The following ISX variants were observed in gnomAD, a reference collection of about 807,000 sequenced individuals.
The protein encoded by ISX is intestine specific homeobox.
ISX carries 15 observed loss-of-function variants against 16.9 expected under a neutral mutation model. The ratio of observed to expected loss-of-function variants is 0.89; its 90% CI spans 0.59 to 1.36. The LOEUF is 1.36. ISX is among the 40% of genes most tolerant of loss of function. The pLI is 0.00. For missense variants in ISX, 316 were observed against 306.1 expected, an observed-to-expected ratio of 1.03 and a Z score of -0.24; for synonymous variants, 125 against 119.7, an observed-to-expected ratio of 1.04 and a Z score of -0.29.
chr22:35,081,882 T>C (rs182234293), intron 2 of ISX, among the ~76,000 whole-genome samples: 2 of 152,350 alleles, frequency 1.3e-5, no homozygotes, highest in Non-Finnish European at 2.9e-5. Flanking sequence ...AGGCCCCACA[T>C]TTTCATCTTG....
Position 35,084,422 on chromosome 22 carries a change from G to A in ISX, c.421G>A (p.Glu141Lys), listed in dbSNP as rs1424633794. The change falls in exon 4 of 5, where the codon GAG becomes AAG. Residue 141 changes from glutamate (E) to lysine (K), a missense_variant. By Grantham distance (56) the Glu-to-Lys change is moderately conservative. Transcript: ENST00000404699. ...QNQRAKWRKQ[E>K]KIGNLGAPQQ... ...TCAGCGAGCCAAGTGGCGGAAGCAGGAGAAGATTGGCAACCTGGGGGCTCC... is the reference window on the plus strand; with the variant it reads ...TCAGCGAGCCAAGTGGCGGAAGCAGAAGAAGATTGGCAACCTGGGGGCTCC... 2 of 1,613,814 alleles carry A rather than the reference G, an allele frequency of 1.2e-6. No homozygotes were observed. The highest frequency in any genetic ancestry group is 1.3e-5 in the African/African-American group (1 of 74,914).
At chr22:35,075,003 C>G (rs1029001704) in intron 2 of ISX, among the ~76,000 whole-genome samples, 3 of 152,206 alleles carry the variant, frequency 2.0e-5, no homozygotes, top group African/African-American at 7.2e-5. Flanking sequence ...AATCTGTGCC[C>G]ATGCTTCATG....
At chr22:35,074,870 G>GCACACA (rs34751405) in intron 2 of ISX, among the ~76,000 whole-genome samples, 2 of 151,486 alleles carry the variant, frequency 1.3e-5, no homozygotes, top group South Asian at 4.2e-4. Flanking sequence ...ACACACACGT[G>GCACACA]CACACACACA....
intron 3 of ISX, 118 bp downstream of exon 3, chr22:35,082,787 T>C: frequency 2.0e-6 from 2 of 1,003,390 alleles, no homozygotes; most frequent in Non-Finnish European, 2.9e-6. Flanking sequence ...GGCTTTATCC[T>C]GTGAGTACAG....
At chr22:35,066,687 T>C in intron 1 of ISX, 65 bp from the exon 2 acceptor site, 1 of 180,874 alleles carries the variant, frequency 5.5e-6, no homozygotes, top group Non-Finnish European at 1.2e-5. Flanking sequence ...GAGACTGACC[T>C]CCTCTTTCCT....
At position 35,086,691 on chromosome 22, in the gene ISX, C is replaced by T. The variant is rs532808353; in HGVS notation, c.*998C>T. The T allele has an allele frequency of 1.3e-5, 2 of 152,314 alleles. No individual in the cohort carries two copies. The highest frequency in any genetic ancestry group is 3.9e-4 in the East Asian group (2 of 5,178). 9.4% of individuals were successfully genotyped at this position (152,314 alleles called of 1,614,324 possible). The stretch of plus-strand genomic sequence containing the variant: ...TCTGAGAGGACATGAGAGTATTTTG[C>T]AAAGTGAGGGCAAGGCCCAGTGTGG... On this transcript the variant is annotated 3_prime_UTR_variant, in exon 5 of 5. Coordinates refer to ENST00000404699, the MANE Select transcript of ISX (RefSeq NM_001303508.2).
At chr22:35,084,114 T>C (rs1170901265) in intron 3 of ISX, among the ~76,000 whole-genome samples, 1 of 152,266 alleles carries the variant, frequency 6.6e-6, no homozygotes, top group Non-Finnish European at 1.5e-5. Flanking sequence ...ATTTTGGCTC[T>C]ATTCACCACA....
chr22:35,073,764 T>C (rs4821351), intron 2 of ISX, among the ~76,000 whole-genome samples: 85,903 of 151,512 alleles, frequency 0.57, 24,797 homozygotes, highest in Middle Eastern at 0.65. Context: ...TGTCCAAGGA[T>C]ACAACTTGAG....
chr22:35,067,837 T>C (rs1184181524), intron 2 of ISX, among the ~76,000 whole-genome samples: 1 of 152,186 alleles, frequency 6.6e-6, no homozygotes, highest in East Asian at 1.9e-4. Flanking sequence ...TTCCAGGGGC[T>C]GAAGCTTTGC....
At chr22:35,078,531 G>A (rs902201455) in intron 2 of ISX, among the ~76,000 whole-genome samples, 2 of 152,162 alleles carry the variant, frequency 1.3e-5, no homozygotes, top group Non-Finnish European at 2.9e-5. Flanking sequence ...AGAAGGAGAG[G>A]CAGAGATGAG....
intron 2 of ISX, among the ~76,000 whole-genome samples, chr22:35,073,062 CAGAT>C (rs1250259215): frequency 6.6e-6 from 1 of 152,180 alleles, no homozygotes; most frequent in Non-Finnish European, 1.5e-5. Context: ...CACAAAATGA[CAGAT>C]AGCCTTTCTC....
intron 2 of ISX, among the ~76,000 whole-genome samples, chr22:35,076,200 T>G (rs1440260002): frequency 2.6e-5 from 4 of 152,072 alleles, no homozygotes; most frequent in African/African-American, 9.7e-5. Flanking sequence ...GAGTAGGAGT[T>G]CACCAGGCAA....
At chr22:35,075,506 T>C (rs738423) in intron 2 of ISX, among the ~76,000 whole-genome samples, 86,511 of 152,064 alleles carry the variant, frequency 0.57, 25,111 homozygotes, top group Middle Eastern at 0.65. Flanking sequence ...CACACACACT[T>C]CAATAAAGGA....
chr22:35,069,899 T>C (rs925549886), intron 2 of ISX, among the ~76,000 whole-genome samples: 2 of 152,172 alleles, frequency 1.3e-5, no homozygotes, highest in Admixed American at 1.3e-4. Context: ...CCATCTCACC[T>C]AGGGATCTTA....
At position 35,067,020 on chromosome 22, in the gene ISX, G is replaced by GGGA. The variant is rs1165168203; in HGVS notation, c.-64_-62dup. 7.3e-6 allele frequency: 9 copies of GGGA among 1,238,704 alleles called. No homozygotes were observed. In the East Asian group the frequency reaches 1.9e-4, roughly 26 times the overall value. The allele number at this position is 1,238,704 out of a possible 1,614,324, so 76.7% of individuals were successfully genotyped here. A position where few individuals can be genotyped will look rare whatever the true frequency, so the allele number is the denominator to read the frequency against. ...GCCCTCTTGACCCCAGGAGGTTCAG[G>GGGA]GGAGGAAGTACGCCACTCTCCACTG... On this transcript the variant is annotated 5_prime_UTR_variant, in exon 2 of 5. Coordinates refer to ENST00000404699, the MANE Select transcript of ISX (RefSeq NM_001303508.2).
chr22:35,082,574 GA>G lies in ISX; in HGVS notation c.287del (p.Glu96GlyfsTer57). 1 of 1,614,194 alleles carries G rather than the reference GA, an allele frequency of 6.2e-7. No individual in the cohort carries two copies. The highest frequency in any genetic ancestry group is 1.1e-5 in the South Asian group (1 of 91,082). On this transcript the variant is annotated frameshift_variant, in exon 3 of 5. Transcript: ENST00000404699. LOFTEE classifies it high-confidence loss of function. ...RTTFTTEQLH[E>X]LEKIFHFTHY... ...CACCTTCACCACTGAGCAGCTGCAT[GA>G]GCTGGAGAAGATCTTCCACTTTACC...
Position 35,067,118 on chromosome 22 carries a change from A to G in ISX, c.31A>G (p.Arg11Gly), listed in dbSNP as rs1928719691. The G allele has an allele frequency of 6.2e-7, 1 of 1,613,866 alleles. No individual in the cohort carries two copies. The highest frequency in any genetic ancestry group is 8.5e-7 in the Non-Finnish European group (1 of 1,179,970). ...TGCTGAGGTGGGCCCTGCTCTCTGC[A>G]GGGGTATGGAGAGAAATAGCTTGGG... Reference protein sequence around the residue: MCAEVGPALCRGMERNSLGCC... With the variant: MCAEVGPALCGGMERNSLGCC... Residue 11 changes from arginine (R) to glycine (G), a missense_variant, in exon 2 of 5, where the codon AGG becomes GGG. Physicochemically the swap from Arg to Gly is moderately radical, Grantham distance 125. Transcript: ENST00000404699.
intron 2 of ISX, among the ~76,000 whole-genome samples, chr22:35,080,967 AC>A (rs1929111183): frequency 6.6e-6 from 1 of 152,204 alleles, no homozygotes; most frequent in South Asian, 2.1e-4. Context: ...CCAATCAAGG[AC>A]CGAGCCTTCA....
In ISX at chr22:35,082,613, G is replaced by A. The variant is rs373068000; in HGVS notation, c.325G>A (p.Val109Ile). The change falls in exon 3 of 5, where the codon GTT becomes ATT. Residue 109 changes from valine (V) to isoleucine (I), a missense_variant. Val to Ile is a conservative substitution (Grantham distance 29). Transcript: ENST00000404699. ...CTTCCACTTTACCCACTACCCAGAC[G>A]TTCACATCCGCAGCCAGCTGGCAGC... ...KIFHFTHYPD[V>I]HIRSQLAARI... is the part of the protein sequence containing the mutation. The A allele has an allele frequency of 1.7e-4, 270 of 1,614,056 alleles. No homozygotes were observed. The highest frequency in any genetic ancestry group is 2.2e-4 in the Non-Finnish European group (258 of 1,180,044).
Sources: gnomAD v4.1 joint callset for allele counts (sites outside exome capture counted in the v4.1 genomes callset) on GRCh38, gnomAD v4.1.1 for gene constraint, MANE v1.5 for transcripts, NCBI Gene and HGNC (gene_info 2026-07-23, HGNC 2026-07-21) for gene names.